MASTL: variants seen among roughly 807,000 people sequenced by gnomAD.
MASTL encodes microtubule associated serine/threonine kinase like.
Under a neutral mutation model 82.5 loss-of-function variants are expected in MASTL, and 54 were observed. The ratio of observed to expected loss-of-function variants is 0.65; its 90% CI spans 0.53 to 0.82. The LOEUF (loss-of-function observed/expected upper bound fraction) is 0.82, where lower values mean the gene tolerates loss of function less well. Among genes scored for constraint, MASTL ranks in the 40% least tolerant of loss-of-function variants. The pLI is 0.00. For missense variants in MASTL, 950 were observed against 1,047.8 expected (o/e 0.91, Z 1.29); for synonymous variants, 323 against 368.9 (o/e 0.88, Z 1.43).
At chr10:27,176,072 G>A (rs1335070052) in intron 9 of MASTL, among the ~76,000 whole-genome samples, 3 of 150,898 alleles carry the variant, frequency 2.0e-5, no homozygotes, top group Non-Finnish European at 4.4e-5. Flanking sequence ...ACTCCAGCCT[G>A]GGTGATAGAG....
At chr10:27,179,154 TC>T (rs768540851) in intron 9 of MASTL, among the ~76,000 whole-genome samples, 16 of 152,246 alleles carry the variant, frequency 1.1e-4, no homozygotes, top group Non-Finnish European at 2.2e-4. Flanking sequence ...ATTGAAGTTA[TC>T]CATTTTTGAA....
intron 3 of MASTL, among the ~76,000 whole-genome samples, 156 bp from the exon 4 acceptor site, chr10:27,160,938 A>G (rs1007140638): frequency 1.3e-5 from 2 of 152,106 alleles, no homozygotes; most frequent in Non-Finnish European, 2.9e-5. Flanking sequence ...TGCTTTTGAG[A>G]GATGTTTTCT....
chr10:27,175,561 T>C (rs1251983162), intron 9 of MASTL, among the ~76,000 whole-genome samples: 3 of 152,186 alleles, frequency 2.0e-5, no homozygotes, highest in African/African-American at 7.2e-5. Context: ...CTGACCTCTG[T>C]TGCTGCTCTT....
In MASTL at chr10:27,184,554, A is replaced by ATTTTTTTTTTT. The variant is rs752147433; in HGVS notation, c.2483-1811_2483-1801dup. Among the ~76,000 whole-genome samples the ATTTTTTTTTTT allele has an allele frequency of 2.4e-4, 20 of 84,854 alleles. 2 individuals are homozygous for ATTTTTTTTTTT. Among genetic ancestry groups the ATTTTTTTTTTT allele is most frequent in the East Asian group, 4.0e-4 (1 of 2,478 alleles). 55.7% of individuals were successfully genotyped at this position (84,854 alleles called of 152,430 possible). ...AAAAACACTATCACATATAAGAAGG[A>ATTTTTTTTTTT]TTTTTTTTTTTTTTTTTTTTTTTTG... On this transcript the variant is annotated intron_variant, in intron 11 of 11. Transcript: ENST00000375940.
intron 9 of MASTL, 95 bp downstream of exon 9, chr10:27,173,354 A>G (rs2058011522): frequency 7.2e-6 from 10 of 1,390,578 alleles, no homozygotes; most frequent in Non-Finnish European, 9.1e-6. Context: ...TACTTACGTT[A>G]CCTAAAGTAA....
At chr10:27,157,590 C>T (rs2057433052) in intron 1 of MASTL, among the ~76,000 whole-genome samples, 1 of 152,128 alleles carries the variant, frequency 6.6e-6, no homozygotes, top group Admixed American at 6.6e-5. Context: ...GAGAATTGAT[C>T]CCAGTGTTAC....
chr10:27,164,973 T>C (rs916956417), intron 4 of MASTL, 91 bp from the exon 5 acceptor site: 3 of 856,556 alleles, frequency 3.5e-6, no homozygotes, highest in African/African-American at 3.4e-5. Context: ...TTACAAAAAA[T>C]TGTTTTGTTG....
rs1378195055 is a variant in MASTL at position 27,159,383 on chromosome 10, A to G, written c.325-236A>G. ...AGTGATCTGCCCATCTTGGCCTCCC[A>G]AAGTGCTGAGATTATAGGCGTGAGT... On this transcript the variant is annotated intron_variant, in intron 2 of 11. Coordinates refer to ENST00000375940, the MANE Select transcript of MASTL (RefSeq NM_001172303.3). This position sits in a 1 kb window ranked among gnomAD's most constrained non-coding sequence, Gnocchi z 4.0. Among the ~76,000 whole-genome samples the G allele has an allele frequency of 6.6e-6, 1 of 152,176 alleles. No individual in the cohort carries two copies. The highest frequency in any genetic ancestry group is 1.5e-5 in the Non-Finnish European group (1 of 68,028).
At chr10:27,181,603 T>C (rs2136178362) in intron 11 of MASTL, 22 bp downstream of exon 11, 1 of 1,529,626 alleles carries the variant, frequency 6.5e-7, no homozygotes, top group Non-Finnish European at 9.0e-7. Flanking sequence ...TGTTAATACA[T>C]TGTTTTACCA....
Position 27,161,124 on chromosome 10 carries a change from T to C in MASTL, c.495T>C (p.Ser165=), listed in dbSNP as rs746804927. The C allele has an allele frequency of 1.7e-5, 27 of 1,613,190 alleles. No homozygotes were observed. Among genetic ancestry groups the C allele is most frequent in the Non-Finnish European group, 2.0e-5 (24 of 1,179,266 alleles). Residue 165 remains serine, a synonymous_variant, in exon 4 of 12, where the codon TCT becomes TCC. Transcript: ENST00000375940. ...RDLKPDNMLI[S]NEGHIKLTDF... ...TGAAACCGGACAATATGCTTATTTC[T>C]AATGAGGGTCATATTAAACTGACGG...
chr10:27,156,569 G>T (rs955986403), intron 1 of MASTL, among the ~76,000 whole-genome samples: 3 of 151,924 alleles, frequency 2.0e-5, no homozygotes, highest in Admixed American at 6.6e-5. Context: ...GTGCAGTCTC[G>T]GCTCCCTGCA....
Position 27,158,774 on chromosome 10 carries a change from T to C in MASTL, c.324+88T>C, listed in dbSNP as rs1588647428. ...AAGAGAACCATGTTTTGGTTCAGAG[T>C]GCTTGCATTTGAATTCTGGCTGCAC... On this transcript the variant is annotated intron_variant, in intron 2 of 11. Transcript: ENST00000375940. 2.8e-6 allele frequency: 4 copies of C among 1,416,306 alleles called. No individual in the cohort carries two copies. In the African/African-American group the frequency reaches 5.6e-5, roughly 20 times the overall value. The allele number at this position is 1,416,306 out of a possible 1,614,324, so 87.7% of individuals were successfully genotyped here. A position where few individuals can be genotyped will look rare whatever the true frequency, so the allele number is the denominator to read the frequency against.
At chr10:27,162,560 T>C (rs1266359749) in intron 4 of MASTL, among the ~76,000 whole-genome samples, 1 of 152,028 alleles carries the variant, frequency 6.6e-6, no homozygotes, top group Admixed American at 6.6e-5. Context: ...TCCCAGCTAC[T>C]TAGTAGGCTG....
Position 27,183,967 on chromosome 10 carries a change from C to T in MASTL, c.2482+2386C>T, listed in dbSNP as rs375307680. Among the ~76,000 whole-genome samples the T allele has an allele frequency of 1.7e-4, 26 of 152,270 alleles. No homozygotes were observed. In the South Asian group the frequency reaches 5.2e-3, roughly 30 times the overall value. On this transcript the variant is annotated intron_variant, in intron 11 of 11. Coordinates refer to ENST00000375940, the MANE Select transcript of MASTL (RefSeq NM_001172303.3). Reference sequence around the variant, plus strand: ...GCTCAAGCCATCCGCCCACCTTGGCCTCCCTAAGTACTGGGATTACAGGCA... The same window carrying T: ...GCTCAAGCCATCCGCCCACCTTGGCTTCCCTAAGTACTGGGATTACAGGCA...
chr10:27,175,040 T>G, intron 9 of MASTL, among the ~76,000 whole-genome samples: 1 of 151,808 alleles, frequency 6.6e-6, no homozygotes, highest in Non-Finnish European at 1.5e-5. Context: ...CTTGCCGGCT[T>G]TTATCCTCAG....
rs1043663446 is a variant in MASTL, at chr10:27,159,247, G to A, written c.325-372G>A. On this transcript the variant is annotated intron_variant, in intron 2 of 11. Transcript: ENST00000375940. This position sits in a 1 kb window ranked among gnomAD's most constrained non-coding sequence, Gnocchi z 4.0. The stretch of plus-strand genomic sequence containing the variant: ...CCAAGTAGCTGAGATTACAGGCCCA[G>A]CTAATTTTTTGTATAAATTAGCTGC... 6.6e-6 allele frequency among the ~76,000 whole-genome samples: 1 copy of A among 151,996 alleles called. No individual in the cohort carries two copies. Among genetic ancestry groups the A allele is most frequent in the Non-Finnish European group, 1.5e-5 (1 of 68,004 alleles).
chr10:27,176,122 G>A (rs1479113851), intron 9 of MASTL, among the ~76,000 whole-genome samples: 2 of 150,532 alleles, frequency 1.3e-5, no homozygotes, highest in African/African-American at 4.9e-5. Flanking sequence ...AGAAAACACT[G>A]GGCTTGTTAC....
At position 27,186,459 on chromosome 10, in the gene MASTL, G is replaced by A; in HGVS notation, c.2563G>A (p.Asp855Asn). The change falls in exon 12 of 12, where the codon GAT (aspartate) becomes AAT (asparagine). Residue 855 changes from aspartate to asparagine, a missense_variant. Physicochemically the swap from Asp to Asn is conservative, Grantham distance 23. Coordinates refer to ENST00000375940, the MANE Select transcript of MASTL (RefSeq NM_001172303.3). ...HQTMPFIPQPDDETDTSYFEA... is the reference protein window; with the variant it reads ...HQTMPFIPQPNDETDTSYFEA... ...GACTATGCCTTTCATCCCCCAGCCA[G>A]ATGATGAAACAGATACCTCCTATTT... 6.2e-7 allele frequency: 1 copy of A among 1,614,142 alleles called. No individual in the cohort carries two copies. Among genetic ancestry groups the A allele is most frequent in the African/African-American group, 1.3e-5 (1 of 75,060 alleles).
At position 27,180,749 on chromosome 10, in the gene MASTL, G is replaced by T. The variant is rs11015590; in HGVS notation, c.2267-204G>T. On this transcript the variant is annotated intron_variant, in intron 9 of 11. Transcript: ENST00000375940. Reference sequence around the variant, plus strand: ...GGTGATACGTGGGCACAGGACAATTGTGAGTTATTTGTACAGGAGGGCTGT... The same window carrying T: ...GGTGATACGTGGGCACAGGACAATTTTGAGTTATTTGTACAGGAGGGCTGT... Among the ~76,000 whole-genome samples the T allele has an allele frequency of 0.6, 91,458 of 151,968 alleles. 27,815 individuals are homozygous for T. The highest frequency in any genetic ancestry group is 0.65 in the Non-Finnish European group (44,069 of 67,948).
Sources: allele counts gnomAD v4.1 joint callset (sites outside exome capture counted in the v4.1 genomes callset), GRCh38; gene constraint gnomAD v4.1.1; non-coding constraint Gnocchi (gnomAD v3.1); transcripts MANE v1.5; gene names NCBI Gene and HGNC (gene_info 2026-07-23, HGNC 2026-07-21).